Variants in SNX29 observed in about 807,000 individuals in gnomAD.
The protein encoded by SNX29 is sorting nexin-29.
A neutral mutation model predicts 102.1 loss-of-function variants in SNX29; 78 were observed. That is an observed-to-expected ratio of 0.76 (90% CI 0.64 to 0.92). The LOEUF (loss-of-function observed/expected upper bound fraction) is 0.92, where lower values mean the gene tolerates loss of function less well. Ranked by LOEUF, SNX29 falls within the 40% of genes least tolerant of loss-of-function variation. SNX29 has a pLI of 0.00. For synonymous variants in SNX29, 580 were observed against 414.5 expected, an observed-to-expected ratio of 1.40 and a Z score of -4.85; for missense variants, 1,280 against 1,061.7, an observed-to-expected ratio of 1.21 and a Z score of -2.86.
intron 11 of SNX29, among the ~76,000 whole-genome samples, chr16:12,118,968 A>G (rs1463499219): frequency 6.6e-6 from 1 of 152,144 alleles, no homozygotes; most frequent in Non-Finnish European, 1.5e-5. Context: ...GGCGGTGCAA[A>G]TGTGTGCTAA....
chr16:12,534,826 C>G (rs987915376), intron 20 of SNX29, among the ~76,000 whole-genome samples: 7 of 152,286 alleles, frequency 4.6e-5, no homozygotes, highest in African/African-American at 1.7e-4. Context: ...CCAGGCACAG[C>G]TGGGAGTGAA....
At chr16:12,065,847 A>C (rs1649887467) in intron 9 of SNX29, among the ~76,000 whole-genome samples, 1 of 152,130 alleles carries the variant, frequency 6.6e-6, no homozygotes, top group Admixed American at 6.6e-5. Flanking sequence ...CATTGGACGG[A>C]CCAGGGTTCA....
At chr16:12,403,577 C>T (rs748077784) in intron 18 of SNX29, 48 bp downstream of exon 18, 61 of 1,535,098 alleles carry the variant, frequency 4.0e-5, no homozygotes, top group Non-Finnish European at 5.1e-5. Flanking sequence ...TGGAAAAACG[C>T]CCATTTGTCA....
At position 12,569,973 on chromosome 16, in the gene SNX29, TG is replaced by T. The variant is rs1248711419; in HGVS notation, c.*1345del. ...ACGGTTAGATGGTAAGCCATGGGCT[TG>T]TCCTGGAACTGCTTCAACTCAGTGG... On this transcript the variant is annotated 3_prime_UTR_variant, in exon 21 of 21. Transcript: ENST00000566228. 1 of 240,684 alleles carries T rather than the reference TG, an allele frequency of 4.2e-6. No individual in the cohort carries two copies. Among genetic ancestry groups the T allele is most frequent in the Non-Finnish European group, 8.0e-6 (1 of 125,224 alleles). The allele number at this position is 240,684 out of a possible 1,614,324, so 14.9% of individuals were successfully genotyped here.
At chr16:12,331,654 C>A (rs967651114) in intron 15 of SNX29, among the ~76,000 whole-genome samples, 6 of 152,060 alleles carry the variant, frequency 3.9e-5, no homozygotes, top group Non-Finnish European at 8.8e-5. Context: ...TGGGTTCATG[C>A]AAATCTCCTG....
At chr16:12,566,747 C>G (rs529503572) in intron 20 of SNX29, among the ~76,000 whole-genome samples, 23 of 152,172 alleles carry the variant, frequency 1.5e-4, no homozygotes, top group African/African-American at 5.6e-4. Context: ...GGGCCTGCAG[C>G]CAGACACCCA....
chr16:12,287,317 C>T (rs978494129), intron 15 of SNX29, among the ~76,000 whole-genome samples: 16 of 152,326 alleles, frequency 1.1e-4, no homozygotes, highest in African/African-American at 3.8e-4. Flanking sequence ...AGACTCCTTC[C>T]CTAAGGAAGG....
chr16:12,005,397 G>A (rs1221667309), intron 3 of SNX29, among the ~76,000 whole-genome samples: 1 of 152,168 alleles, frequency 6.6e-6, no homozygotes, highest in Non-Finnish European at 1.5e-5. Context: ...GTGTATGCCT[G>A]AAGCCGAGGA....
intron 11 of SNX29, among the ~76,000 whole-genome samples, chr16:12,104,160 C>T (rs2053135120): frequency 6.6e-6 from 1 of 152,144 alleles, no homozygotes; most frequent in East Asian, 1.9e-4. Flanking sequence ...AAAATCAAGG[C>T]ATAGTTTGAT....
At chr16:12,525,087 C>T (rs1436276073) in intron 20 of SNX29, among the ~76,000 whole-genome samples, 1 of 152,044 alleles carries the variant, frequency 6.6e-6, no homozygotes, top group African/African-American at 2.4e-5. Context: ...CACAAAGAAA[C>T]TTGGGGCTCT....
intron 18 of SNX29, among the ~76,000 whole-genome samples, chr16:12,441,638 T>C (rs2085812311): frequency 6.6e-6 from 1 of 152,200 alleles, no homozygotes; most frequent in South Asian, 2.1e-4. Context: ...TAAAGTCCAA[T>C]TTATCTGTTT....
At chr16:12,410,551 T>A (rs141881135) in intron 18 of SNX29, among the ~76,000 whole-genome samples, 1 of 152,218 alleles carries the variant, frequency 6.6e-6, no homozygotes, top group African/African-American at 2.4e-5. Context: ...GGTCAAGCAA[T>A]CCTCCTGCCT....
At chr16:12,529,106 TC>T (rs2076863841) in intron 20 of SNX29, among the ~76,000 whole-genome samples, 1 of 152,230 alleles carries the variant, frequency 6.6e-6, no homozygotes, top group East Asian at 1.9e-4. Flanking sequence ...GTTGAGTTTT[TC>T]CTCCCAGTCT....
At chr16:12,565,949 A>T (rs1422823861) in intron 20 of SNX29, among the ~76,000 whole-genome samples, 2 of 151,648 alleles carry the variant, frequency 1.3e-5, no homozygotes, top group African/African-American at 4.8e-5. Context: ...TGCCCTCCCC[A>T]TCCTCAATGA....
intron 14 of SNX29, among the ~76,000 whole-genome samples, chr16:12,275,104 A>G (rs771910855): frequency 1.3e-5 from 2 of 152,148 alleles, no homozygotes; most frequent in Non-Finnish European, 2.9e-5. Flanking sequence ...AGGTGTTGGA[A>G]TGGGGTTAGA....
At chr16:12,330,146 G>A (rs1596940585) in intron 15 of SNX29, among the ~76,000 whole-genome samples, 1 of 152,276 alleles carries the variant, frequency 6.6e-6, no homozygotes, top group Middle Eastern at 3.4e-3. Flanking sequence ...GGGAGGCTCA[G>A]GATCAGTGAT....
At chr16:12,015,340 A>C (rs2056811909) in intron 3 of SNX29, among the ~76,000 whole-genome samples, 1 of 151,992 alleles carries the variant, frequency 6.6e-6, no homozygotes, top group Non-Finnish European at 1.5e-5. Context: ...TCTCTGGTTC[A>C]AGTGATTCTC....
At chr16:12,060,539 G>T (rs548663391) in intron 8 of SNX29, among the ~76,000 whole-genome samples, 10 of 152,320 alleles carry the variant, frequency 6.6e-5, no homozygotes, top group Admixed American at 2.0e-4. Flanking sequence ...AGAGCTCAAG[G>T]TTGCAGTGAA....
At chr16:12,419,541 GGC>G (rs2084784407) in intron 18 of SNX29, among the ~76,000 whole-genome samples, 1 of 148,904 alleles carries the variant, frequency 6.7e-6, no homozygotes, top group Admixed American at 6.8e-5. Flanking sequence ...GAATTTTAGG[GGC>G]TTAGTGTCAT....
Sources: allele counts gnomAD v4.1 joint callset (sites outside exome capture counted in the v4.1 genomes callset), GRCh38; gene constraint gnomAD v4.1.1; transcripts MANE v1.5; gene names NCBI Gene and HGNC (gene_info 2026-07-23, HGNC 2026-07-21).